Variants in GABRG3 observed in about 807,000 individuals in gnomAD.
GABRG3 encodes gamma-aminobutyric acid receptor subunit gamma-3.
Under a neutral mutation model 48.8 loss-of-function variants are expected in GABRG3, and 25 were observed. The observed-to-expected ratio is 0.51, with a 90% CI of 0.37 to 0.72. GABRG3 has a LOEUF of 0.72. Among genes scored for constraint, GABRG3 ranks in the 30% least tolerant of loss-of-function variants. The probability of loss-of-function intolerance (pLI) is 0.00; values close to 1 mark genes in which losing one functional copy is unlikely to be tolerated. For synonymous variants in GABRG3, 227 were observed against 217.6 expected (o/e 1.04, Z -0.38); for missense variants, 394 against 577.9 (o/e 0.68, Z 3.26).
At chr15:27,455,794 G>A (rs546714048) in intron 5 of GABRG3, among the ~76,000 whole-genome samples, 10 of 148,840 alleles carry the variant, frequency 6.7e-5, no homozygotes, top group African/African-American at 2.2e-4. Flanking sequence ...TTGTATATAT[G>A]TGCATGGTAT....
At chr15:27,079,104 C>G (rs1359571109) in intron 3 of GABRG3, among the ~76,000 whole-genome samples, 1 of 152,038 alleles carries the variant, frequency 6.6e-6, no homozygotes, top group African/African-American at 2.4e-5. Flanking sequence ...TCCCCCAGAC[C>G]CTGCAGAGAG....
chr15:27,327,721 C>T (rs949410969), intron 4 of GABRG3, among the ~76,000 whole-genome samples: 7 of 152,296 alleles, frequency 4.6e-5, no homozygotes, highest in Non-Finnish European at 1.0e-4. Context: ...GGACACTGCA[C>T]TCCCTTCTTC....
rs950693975 is a variant in GABRG3, at chr15:27,323,868, C to T, written c.271-2941C>T. Among the ~76,000 whole-genome samples, 3 of 152,292 alleles carry T rather than the reference C, an allele frequency of 2.0e-5. No individual in the cohort carries two copies. In the East Asian group the frequency reaches 5.8e-4, roughly 29 times the overall value. The stretch of plus-strand genomic sequence containing the variant: ...AGGGCACGTGGTTCACGTGAGTCAG[C>T]AGAGCTCTGCTCCACACAGTCTCTC... On this transcript the variant is annotated intron_variant, in intron 3 of 9. Coordinates refer to ENST00000615808, the MANE Select transcript of GABRG3 (RefSeq NM_033223.5).
At chr15:27,309,934 G>T (rs73363138) in intron 3 of GABRG3, among the ~76,000 whole-genome samples, 4,049 of 152,114 alleles carry the variant, frequency 0.027, 178 homozygotes, top group African/African-American at 0.089. Flanking sequence ...TAATGTGATG[G>T]ATGGATAAAC....
chr15:27,516,986 C>T (rs1325933298), intron 6 of GABRG3, among the ~76,000 whole-genome samples: 1 of 152,230 alleles, frequency 6.6e-6, no homozygotes, highest in Non-Finnish European at 1.5e-5. Context: ...TCTGCTGCCT[C>T]CTCCATCACT....
intron 3 of GABRG3, among the ~76,000 whole-genome samples, chr15:27,325,179 C>T (rs1595678339): frequency 1.3e-5 from 2 of 152,314 alleles, no homozygotes; most frequent in Admixed American, 1.3e-4. Flanking sequence ...ATGACAGAAA[C>T]ACACACATGC....
intron 5 of GABRG3, among the ~76,000 whole-genome samples, chr15:27,434,037 C>T (rs548255897): frequency 3.7e-4 from 57 of 152,276 alleles, no homozygotes; most frequent in African/African-American, 1.1e-3. Context: ...TCCATGTCAG[C>T]GCTGCTATGG....
chr15:27,409,620 G>C (rs961376222), intron 5 of GABRG3, among the ~76,000 whole-genome samples: 2 of 151,694 alleles, frequency 1.3e-5, no homozygotes, highest in African/African-American at 2.4e-5. Context: ...ATCTTATGTA[G>C]CAAAAAAAAC....
intron 3 of GABRG3, among the ~76,000 whole-genome samples, chr15:27,105,135 T>C (rs1897427978): frequency 6.6e-6 from 1 of 152,186 alleles, no homozygotes; most frequent in Non-Finnish European, 1.5e-5. Flanking sequence ...GGAGAAGCTA[T>C]GGTAATATTC....
intron 3 of GABRG3, among the ~76,000 whole-genome samples, chr15:27,305,370 T>A (rs1183260758): frequency 1.3e-5 from 2 of 150,838 alleles, no homozygotes; most frequent in Non-Finnish European, 3.0e-5. Flanking sequence ...ATTTGAAAAA[T>A]AAAGAAATAG....
intron 3 of GABRG3, among the ~76,000 whole-genome samples, chr15:27,287,133 C>T (rs956253834): frequency 6.6e-6 from 1 of 152,108 alleles, no homozygotes; most frequent in African/African-American, 2.4e-5. Flanking sequence ...CCCCAGTTAC[C>T]ATTGTGAATG....
intron 3 of GABRG3, among the ~76,000 whole-genome samples, chr15:27,146,976 T>C (rs1410694963): frequency 6.6e-6 from 1 of 152,050 alleles, no homozygotes; most frequent in East Asian, 1.9e-4. Flanking sequence ...AATATTGCAG[T>C]CAAAAGGCAG....
At chr15:27,135,414 G>T (rs2140385783) in intron 3 of GABRG3, among the ~76,000 whole-genome samples, 2 of 152,282 alleles carry the variant, frequency 1.3e-5, no homozygotes, top group Middle Eastern at 3.4e-3. Flanking sequence ...TAAGCAGCGA[G>T]GGGAATTCTG....
At chr15:27,353,351 A>G (rs1360923439) in intron 5 of GABRG3, among the ~76,000 whole-genome samples, 6 of 152,150 alleles carry the variant, frequency 3.9e-5, no homozygotes. Context: ...TGCCTGCCTC[A>G]GGACCCTGCA....
At chr15:27,064,794 G>A (rs1043897631) in intron 3 of GABRG3, among the ~76,000 whole-genome samples, 28 of 152,166 alleles carry the variant, frequency 1.8e-4, no homozygotes, top group Non-Finnish European at 2.8e-4. Context: ...ACACCATCCC[G>A]TGTGTTAGCA....
At chr15:27,402,628 A>C (rs142579900) in intron 5 of GABRG3, among the ~76,000 whole-genome samples, 2 of 152,226 alleles carry the variant, frequency 1.3e-5, no homozygotes, top group African/African-American at 4.8e-5. Context: ...TCTTAAAATC[A>C]GATTAAGTGG....
In GABRG3 at chr15:27,508,602, ATATAT is replaced by A. The variant is rs533645364; in HGVS notation, c.713-11363_713-11359del. Among the ~76,000 whole-genome samples, 17 of 152,288 alleles carry A rather than the reference ATATAT, an allele frequency of 1.1e-4. No individual in the cohort carries two copies. In the East Asian group the frequency reaches 3.1e-3, roughly 28 times the overall value. On this transcript the variant is annotated intron_variant, in intron 6 of 9. Coordinates refer to ENST00000615808, the MANE Select transcript of GABRG3 (RefSeq NM_033223.5). ...TCTTTGCATGTATGCAAGTTTCTGAATATATTATATTCCATATCTCTGAAGAACTT... is the reference window on the plus strand; with the variant it reads ...TCTTTGCATGTATGCAAGTTTCTGAATATATTCCATATCTCTGAAGAACTT...
intron 2 of GABRG3, among the ~76,000 whole-genome samples, chr15:27,010,965 C>A (rs1438053345): frequency 2.0e-5 from 3 of 152,138 alleles, no homozygotes; most frequent in Non-Finnish European, 4.4e-5. Flanking sequence ...CCTGCCTCAG[C>A]CTCCAGAGTA....
intron 3 of GABRG3, among the ~76,000 whole-genome samples, chr15:27,113,969 C>A (rs1414335000): frequency 6.6e-6 from 1 of 152,148 alleles, no homozygotes; most frequent in Non-Finnish European, 1.5e-5. Flanking sequence ...TAAAAAATAC[C>A]TTTCTAAAGG....
Sources: gnomAD v4.1 joint callset for allele counts (sites outside exome capture counted in the v4.1 genomes callset) on GRCh38, gnomAD v4.1.1 for gene constraint, MANE v1.5 for transcripts, NCBI Gene and HGNC (gene_info 2026-07-23, HGNC 2026-07-21) for gene names.